The following PLCB1 variants were observed in gnomAD, a reference collection of about 807,000 sequenced individuals.
PLCB1 encodes the protein phospholipase C beta 1.
PLCB1 carries 46 observed loss-of-function variants against 161.8 expected under a neutral mutation model. The observed-to-expected ratio is 0.28, with a 90% CI of 0.22 to 0.36. The LOEUF (loss-of-function observed/expected upper bound fraction) is 0.36, where lower values mean the gene tolerates loss of function less well. Among genes scored for constraint, PLCB1 ranks in the 10% least tolerant of loss-of-function variants. The probability of loss-of-function intolerance (pLI) is 1.00; values close to 1 mark genes in which losing one functional copy is unlikely to be tolerated. For synonymous variants in PLCB1, 517 were observed against 503.7 expected, an observed-to-expected ratio of 1.03 and a Z score of -0.35; for missense variants, 1,016 against 1,472.5, an observed-to-expected ratio of 0.69 and a Z score of 5.07.
chr20:8,560,552 G>A (rs1195397769), intron 3 of PLCB1, among the ~76,000 whole-genome samples: 3 of 152,140 alleles, frequency 2.0e-5, no homozygotes, highest in East Asian at 1.9e-4. Flanking sequence ...GTTGAAAAAC[G>A]TCTAGTGTTG....
At chr20:8,843,037 G>C (rs143297773) in intron 31 of PLCB1, among the ~76,000 whole-genome samples, 2 of 152,238 alleles carry the variant, frequency 1.3e-5, no homozygotes, top group African/African-American at 4.8e-5. Context: ...ATTTAGGTTG[G>C]TGCAAAAGTA....
intron 2 of PLCB1, among the ~76,000 whole-genome samples, chr20:8,216,318 C>T (rs1979120639): frequency 6.6e-6 from 1 of 151,972 alleles, no homozygotes; most frequent in Admixed American, 6.6e-5. Flanking sequence ...ATAGGGAAAA[C>T]ATAGCTCAAA....
At chr20:8,788,402 C>G in intron 27 of PLCB1, 47 bp from the exon 28 acceptor site, 1 of 1,560,870 alleles carries the variant, frequency 6.4e-7, no homozygotes, top group South Asian at 1.2e-5. Context: ...GAAGGAAGCT[C>G]TGTTTGCAAT....
intron 23 of PLCB1, chr20:8,751,723 C>T (rs1600298580): frequency 1.3e-5 from 2 of 152,094 alleles, no homozygotes; most frequent in East Asian, 3.9e-4. Flanking sequence ...AAAATCTAGT[C>T]AATGCGACTG....
At chr20:8,152,615 A>T in intron 2 of PLCB1, among the ~76,000 whole-genome samples, 1 of 152,114 alleles carries the variant, frequency 6.6e-6, no homozygotes, top group East Asian at 1.9e-4. Flanking sequence ...CACATGTACC[A>T]TAGAGATAAT....
intron 3 of PLCB1, among the ~76,000 whole-genome samples, chr20:8,480,379 T>C (rs184099338): frequency 3.9e-5 from 6 of 152,248 alleles, no homozygotes; most frequent in African/African-American, 9.6e-5. Flanking sequence ...ACTTGAAGCA[T>C]TGAAAAAATA....
chr20:8,460,753 T>C (rs1039870514), intron 3 of PLCB1, among the ~76,000 whole-genome samples: 2 of 152,168 alleles, frequency 1.3e-5, no homozygotes, highest in Non-Finnish European at 2.9e-5. Context: ...CCCTTAAAGC[T>C]TTTTTCTAAA....
At chr20:8,732,856 A>G (rs1980344290) in intron 18 of PLCB1, among the ~76,000 whole-genome samples, 1 of 142,078 alleles carries the variant, frequency 7.0e-6, no homozygotes, top group African/African-American at 2.6e-5. Flanking sequence ...ATTATATATT[A>G]TATATTAGAT....
chr20:8,837,679 C>T (rs6086625), intron 31 of PLCB1, among the ~76,000 whole-genome samples: 48,426 of 151,682 alleles, frequency 0.32, 8,655 homozygotes, highest in East Asian at 0.63. Context: ...GACTCACTCA[C>T]ATTGGGAGAG....
Position 8,716,301 on chromosome 20 carries a change from C to A in PLCB1, c.1288C>A (p.Leu430Met), listed in dbSNP as rs1979306410. The change falls in exon 13 of 32, where the codon CTG becomes ATG. Residue 430 changes from leucine to methionine, a missense_variant. Leu to Met is a conservative substitution (Grantham distance 15). This residue lies in a region of PLCB1 where 56 missense variants were observed against 126.3 expected (regional missense o/e 0.44). Coordinates refer to ENST00000338037, the MANE Select transcript of PLCB1 (RefSeq NM_015192.4). ...AGCCAAGATGGCGGAGTACTGCCGA[C>A]TGATCTTTGGGGATGCCCTTCTCAT... Reference protein sequence around the residue: ...QQAKMAEYCRLIFGDALLMEP... With the variant: ...QQAKMAEYCRMIFGDALLMEP... 6.2e-7 allele frequency: 1 copy of A among 1,614,098 alleles called. No individual in the cohort carries two copies. Among genetic ancestry groups the A allele is most frequent in the South Asian group, 1.1e-5 (1 of 91,080 alleles).
chr20:8,825,250 A>G (rs1257757427), intron 31 of PLCB1, among the ~76,000 whole-genome samples: 3 of 152,226 alleles, frequency 2.0e-5, no homozygotes, highest in Non-Finnish European at 4.4e-5. Context: ...TTGTCTAGCT[A>G]CAAACCCAGA....
intron 14 of PLCB1, among the ~76,000 whole-genome samples, chr20:8,722,138 A>G (rs760512816): frequency 4.3e-5 from 5 of 117,122 alleles, no homozygotes; most frequent in Admixed American, 2.8e-4. Flanking sequence ...TTTAAGTGCT[A>G]TTTATTAACA....
chr20:8,822,509 C>G (rs1985482685), intron 31 of PLCB1, among the ~76,000 whole-genome samples: 1 of 152,068 alleles, frequency 6.6e-6, no homozygotes, highest in South Asian at 2.1e-4. Context: ...GGGCATTTTT[C>G]TTCAATAATT....
chr20:8,651,078 G>A (rs1291409181), intron 7 of PLCB1, among the ~76,000 whole-genome samples: 1 of 152,134 alleles, frequency 6.6e-6, no homozygotes, highest in Non-Finnish European at 1.5e-5. Flanking sequence ...GAAGTCCATT[G>A]CATAAAATTT....
At chr20:8,771,698 T>C (rs768299877) in intron 26 of PLCB1, among the ~76,000 whole-genome samples, 5 of 152,246 alleles carry the variant, frequency 3.3e-5, no homozygotes, top group Non-Finnish European at 5.9e-5. Context: ...AAAAATCCCT[T>C]AGTACATAGT....
chr20:8,654,767 T>G (rs1989409617), intron 7 of PLCB1, among the ~76,000 whole-genome samples: 1 of 152,018 alleles, frequency 6.6e-6, no homozygotes, highest in Admixed American at 6.6e-5. Flanking sequence ...TGCCATTCAC[T>G]TCACCAAGCT....
chr20:8,619,248 G>A (rs1369343962), intron 3 of PLCB1, among the ~76,000 whole-genome samples: 6 of 151,990 alleles, frequency 3.9e-5, no homozygotes, highest in East Asian at 1.9e-4. Flanking sequence ...GTGAAACCCC[G>A]TCTCTACTAA....
chr20:8,757,146 C>T lies in PLCB1; in HGVS notation c.2624C>T (p.Pro875Leu), dbSNP rs1386644525. 1 of 1,612,864 alleles carries T rather than the reference C, an allele frequency of 6.2e-7. No individual in the cohort carries two copies. Residue 875 changes from proline (P) to leucine (L), a missense_variant, in exon 24 of 32, where the codon CCC (proline) becomes CTC (leucine). Physicochemically the swap from Pro to Leu is moderately conservative, Grantham distance 98. Around this residue, in one of 10 missense-constraint regions of PLCB1, gnomAD observed 398 missense variants for 445.4 expected, o/e 0.89. Transcript: ENST00000338037. ...ACTACAACCCTGACACCCAAGCCAC[C>T]CTCCCAGGCTCTCCACAGCCAGCCA... ...NHTTTLTPKP[P>L]SQALHSQPAP...
Position 8,646,132 on chromosome 20 carries a change from A to G in PLCB1, c.415A>G (p.Thr139Ala). 6.2e-7 allele frequency: 1 copy of G among 1,613,740 alleles called. No homozygotes were observed. Among genetic ancestry groups the G allele is most frequent in the Non-Finnish European group, 8.5e-7 (1 of 1,179,604 alleles). ...EWTNEVFSLA[T>A]NLLAQNMSRD... ...GACAAATGAGGTTTTCAGTTTGGCA[A>G]CAAACCTGCTGGCCCAAAACATGTC... Residue 139 changes from threonine to alanine, a missense_variant, in exon 5 of 32, where the codon ACA (threonine) becomes GCA (alanine). Coordinates refer to ENST00000338037, the MANE Select transcript of PLCB1 (RefSeq NM_015192.4).
Sources: allele counts gnomAD v4.1 joint callset (sites outside exome capture counted in the v4.1 genomes callset), GRCh38; gene constraint gnomAD v4.1.1; regional missense constraint gnomAD v4.1.1; transcripts MANE v1.5; gene names NCBI Gene and HGNC (gene_info 2026-07-23, HGNC 2026-07-21).